Variants in CHST9 observed in about 807,000 individuals in gnomAD.
The protein encoded by CHST9 is GalNAc-4-sulfotransferase 2.
In CHST9, 41 loss-of-function variants were observed where a neutral mutation model predicts 44.4. The observed-to-expected ratio is 0.92, with a 90% confidence interval of 0.72 to 1.20. The LOEUF is 1.20. CHST9 is among the 50% of genes most tolerant of loss of function. The pLI is 0.00. For missense variants in CHST9, 504 were observed against 516.5 expected (o/e 0.98, Z 0.23); for synonymous variants, 171 against 178.4 (o/e 0.96, Z 0.33).
At chr18:26,965,217 T>C (rs1222324037) in intron 4 of CHST9, among the ~76,000 whole-genome samples, 1 of 152,214 alleles carries the variant, frequency 6.6e-6, no homozygotes, top group East Asian at 1.9e-4. Context: ...TGGTGGGTCA[T>C]GGCCCGAAGC....
intron 4 of CHST9, among the ~76,000 whole-genome samples, chr18:26,961,265 C>A (rs926580013): frequency 6.6e-6 from 1 of 152,162 alleles, no homozygotes; most frequent in Admixed American, 6.5e-5. Flanking sequence ...GAGAACAATA[C>A]CTCCATTGTA....
intron 4 of CHST9, among the ~76,000 whole-genome samples, chr18:26,965,131 T>TG (rs1162604786): frequency 6.6e-6 from 1 of 152,212 alleles, no homozygotes; most frequent in Non-Finnish European, 1.5e-5. Flanking sequence ...TTACAAGCAT[T>TG]GGACCAGCAT....
At chr18:27,036,242 T>C (rs548406130) in intron 3 of CHST9, among the ~76,000 whole-genome samples, 17 of 152,242 alleles carry the variant, frequency 1.1e-4, no homozygotes, top group South Asian at 4.2e-4. Flanking sequence ...TCCTGCTTCA[T>C]AGGTAAGTCT....
intron 4 of CHST9, among the ~76,000 whole-genome samples, chr18:27,009,800 T>C (rs1392079276): frequency 3.3e-5 from 5 of 152,250 alleles, no homozygotes; most frequent in Non-Finnish European, 7.3e-5. Flanking sequence ...ATTATTGAAC[T>C]GTGAAGAAGC....
chr18:27,007,108 C>T (rs1037664429), intron 4 of CHST9, among the ~76,000 whole-genome samples: 1 of 152,168 alleles, frequency 6.6e-6, no homozygotes, highest in South Asian at 2.1e-4. Flanking sequence ...GAGAAACCCA[C>T]TGAAGTGTGG....
At chr18:27,039,457 ATT>A (rs35076946) in intron 3 of CHST9, among the ~76,000 whole-genome samples, 57,726 of 151,850 alleles carry the variant, frequency 0.38, 11,507 homozygotes, top group East Asian at 0.49. Context: ...GAGTAGTCAA[ATT>A]TATTGAGACA....
At chr18:27,053,593 T>G (rs528922946) in intron 2 of CHST9, among the ~76,000 whole-genome samples, 35 of 152,324 alleles carry the variant, frequency 2.3e-4, no homozygotes, top group African/African-American at 7.5e-4. Flanking sequence ...GGCTCCTAAC[T>G]TGTTTGTTGG....
chr18:27,023,970 G>T, intron 4 of CHST9, 146 bp downstream of exon 4: 1 of 722,828 alleles, frequency 1.4e-6, no homozygotes, highest in Non-Finnish European at 2.3e-6. Context: ...CTCCAAAAAT[G>T]CCACCTAGGC....
At chr18:27,019,219 G>A (rs416872) in intron 4 of CHST9, among the ~76,000 whole-genome samples, 1 of 152,126 alleles carries the variant, frequency 6.6e-6, no homozygotes, top group Admixed American at 6.5e-5. Flanking sequence ...CAAAGCTCTA[G>A]GGCACCAAGT....
chr18:27,120,650 T>C (rs1458595705), intron 2 of CHST9, among the ~76,000 whole-genome samples: 3 of 152,220 alleles, frequency 2.0e-5, no homozygotes, highest in Non-Finnish European at 4.4e-5. Flanking sequence ...CACTCCTAGT[T>C]ATGTGCCTTT....
At chr18:27,088,940 A>T (rs1274788855) in intron 2 of CHST9, among the ~76,000 whole-genome samples, 2 of 152,152 alleles carry the variant, frequency 1.3e-5, no homozygotes, top group African/African-American at 4.8e-5. Flanking sequence ...ACCTCTGTAA[A>T]CAGAGAGGAG....
chr18:26,971,831 ACGGC>A (rs2056547800), intron 4 of CHST9, among the ~76,000 whole-genome samples: 1 of 20,866 alleles, frequency 4.8e-5, no homozygotes, highest in African/African-American at 3.1e-4. Flanking sequence ...GATAGCTCCC[ACGGC>A]TATGGATAGC....
chr18:27,168,447 GGA>G (rs1425010599), intron 1 of CHST9, among the ~76,000 whole-genome samples: 1 of 152,162 alleles, frequency 6.6e-6, no homozygotes, highest in African/African-American at 2.4e-5. Flanking sequence ...TAATTAGGAA[GGA>G]GGCTGTTTTA....
At chr18:26,956,578 T>C (rs1050516985) in intron 4 of CHST9, among the ~76,000 whole-genome samples, 1 of 151,756 alleles carries the variant, frequency 6.6e-6, no homozygotes, top group South Asian at 2.1e-4. Flanking sequence ...CTCTTGCTTA[T>C]GGATAGCCTT....
chr18:27,076,304 T>C (rs2057903042), intron 2 of CHST9, among the ~76,000 whole-genome samples: 1 of 152,160 alleles, frequency 6.6e-6, no homozygotes, highest in South Asian at 2.1e-4. Context: ...CCTGTTTATT[T>C]TAATTTAAAG....
chr18:26,960,748 C>A (rs1401388856), intron 4 of CHST9, among the ~76,000 whole-genome samples: 4 of 152,174 alleles, frequency 2.6e-5, no homozygotes, highest in Non-Finnish European at 4.4e-5. Context: ...AGGGCTCACT[C>A]TAAACTCTGA....
intron 2 of CHST9, among the ~76,000 whole-genome samples, chr18:27,061,827 C>A (rs2143616119): frequency 6.6e-6 from 1 of 152,228 alleles, no homozygotes; most frequent in Non-Finnish European, 1.5e-5. Flanking sequence ...AGCAGGTCAT[C>A]TAGAGGCAAA....
At position 26,914,936 on chromosome 18, in the gene CHST9, A is replaced by G; in HGVS notation, c.*1323T>C. 1 of 397,974 alleles carries G rather than the reference A, an allele frequency of 2.5e-6. No individual in the cohort carries two copies. The highest frequency in any genetic ancestry group is 4.4e-6 in the Non-Finnish European group (1 of 225,666). The allele number at this position is 397,974 out of a possible 1,614,324, so 24.7% of individuals were successfully genotyped here. Reference sequence around the variant, plus strand: ...GGGGTAAAAGTCGACCAATTAAAGTAGGTTTCCCATCCAAATGTTTCCCAT... The same window carrying G: ...GGGGTAAAAGTCGACCAATTAAAGTGGGTTTCCCATCCAAATGTTTCCCAT... On this transcript the variant is annotated 3_prime_UTR_variant, in exon 6 of 6. Coordinates refer to ENST00000618847, the MANE Select transcript of CHST9 (RefSeq NM_031422.6).
chr18:26,989,260 T>G (rs1220135022), intron 4 of CHST9, among the ~76,000 whole-genome samples: 1 of 151,892 alleles, frequency 6.6e-6, no homozygotes, highest in Non-Finnish European at 1.5e-5. Flanking sequence ...AATAAAGAAA[T>G]GAACAAAAGA....
Sources: allele counts gnomAD v4.1 joint callset (sites outside exome capture counted in the v4.1 genomes callset), GRCh38; gene constraint gnomAD v4.1.1; transcripts MANE v1.5; gene names NCBI Gene and HGNC (gene_info 2026-07-23, HGNC 2026-07-21).